PRICKLE3: variants seen among roughly 807,000 people sequenced by gnomAD.
The protein encoded by PRICKLE3 is prickle planar cell polarity protein 3.
In PRICKLE3, 17 loss-of-function variants were observed where a neutral mutation model predicts 33.8. That is an observed-to-expected ratio of 0.50 (90% CI 0.34 to 0.75). The LOEUF (loss-of-function observed/expected upper bound fraction) is 0.75, where lower values mean the gene tolerates loss of function less well. PRICKLE3 is among the 30% of genes least tolerant of loss of function. The pLI is 0.01. For synonymous variants in PRICKLE3, 211 were observed against 219.6 expected (o/e 0.96, Z 0.34); for missense variants, 573 against 576.7 (o/e 0.99, Z 0.07).
intron 1 of PRICKLE3, 185 bp from the exon 2 acceptor site, chrX:49,184,895 C>G: frequency 1.8e-6 from 2 of 1,130,636 alleles, no homozygotes; most frequent in Non-Finnish European, 2.3e-6. Context: ...GAGGCAGAGG[C>G]GGGGCAGTTG....
rs377276224 is a variant in PRICKLE3 at position 49,176,040 on chromosome X, G to A, written c.1481C>T (p.Pro494Leu). Residue 494 changes from proline (P) to leucine (L), a missense_variant, in exon 9 of 9, where the codon CCG becomes CTG. Pro to Leu is a moderately conservative substitution (Grantham distance 98). Transcript: ENST00000599218. ...ACTGCGTGGCCTGCGGCGCTGGGCC[G>A]GGGGTGCACTCAGGGTCCGGCGCGG... is the stretch of plus-strand genomic sequence containing the variant. ...GGPRRTLSAP[P>L]AQRRRPRSPP... 5.8e-6 allele frequency: 7 copies of A among 1,208,215 alleles called. No homozygotes were observed. The highest frequency in any genetic ancestry group is 3.5e-5 in the African/African-American group (2 of 57,775).
Position 49,177,145 on chromosome X carries a change from C to A in PRICKLE3, c.1013G>T (p.Cys338Phe), listed in dbSNP as rs371666168. ...CCGCCCACAGCGACTACAGCAGAAG[C>A]AGCGGTCTGAGGCATGCCAGTGCTG... ...EGQHWHASDR[C>F]FCCSRCGRAL... The change falls in exon 8 of 9, where the codon TGC becomes TTC. Residue 338 changes from cysteine (C) to phenylalanine (F), a missense_variant. Cys to Phe is a radical substitution (Grantham distance 205, BLOSUM62 -2). Coordinates refer to ENST00000599218, the MANE Select transcript of PRICKLE3 (RefSeq NM_006150.5). The A allele has an allele frequency of 5.1e-5, 61 of 1,199,339 alleles. No homozygotes were observed. The highest frequency in any genetic ancestry group is 1.5e-5 in the Non-Finnish European group (13 of 890,995).
chrX:49,184,518 C>T, intron 2 of PRICKLE3, 107 bp downstream of exon 2: 2 of 716,863 alleles, frequency 2.8e-6, no homozygotes, highest in South Asian at 6.2e-5. Context: ...CAACTGAGAT[C>T]CCTCTGTAGG....
Position 49,175,924 on chromosome X carries a change from G to A in PRICKLE3, c.1597C>T (p.Gln533Ter), listed in dbSNP as rs782794977. 18 of 1,209,202 alleles carry A rather than the reference G, an allele frequency of 1.5e-5. No individual in the cohort carries two copies. The highest frequency in any genetic ancestry group is 1.2e-5 in the Non-Finnish European group (11 of 894,983). Reference sequence around the variant, plus strand: ...TCTGACCCTGATCCCGCGTCACATTGATAGTGGCGACGTCTGCTTGGGTGG... The same window carrying A: ...TCTGACCCTGATCCCGCGTCACATTAATAGTGGCGACGTCTGCTTGGGTGG... The part of the protein sequence containing the change: ...NRHPSRRRHY[Q>*]CDAGSGSDSE... Residue 533 changes from glutamine (Q) to a stop codon, truncating the protein, a stop_gained, in exon 9 of 9, where the codon CAA becomes TAA. Coordinates refer to ENST00000599218, the MANE Select transcript of PRICKLE3 (RefSeq NM_006150.5). LOFTEE classifies it high-confidence loss of function.
intron 7 of PRICKLE3, 134 bp downstream of exon 7, chrX:49,177,859 A>T: frequency 1.4e-6 from 1 of 711,166 alleles, no homozygotes; most frequent in Non-Finnish European, 2.0e-6. Context: ...GTACAGGTCT[A>T]TAGTGTTGGG....
At chrX:49,177,685 A>C (rs1383604892) in intron 7 of PRICKLE3, among the ~76,000 whole-genome samples, 1 of 111,644 alleles carries the variant, frequency 9.0e-6, no homozygotes, top group Admixed American at 9.5e-5. Context: ...AACGGGGCAC[A>C]GCTTGGGGTG....
In PRICKLE3 at chrX:49,179,324, CGCTGCT is replaced by C; in HGVS notation, c.485_490del (p.Gln162_Gln163del). On this transcript the variant is annotated inframe_deletion, in exon 5 of 9. Transcript: ENST00000599218. ...GCCACGCCCCAGATTCTCCCGCTTC[CGCTGCT>C]GGCTAAAGGCTCGGAGCTCTTTCTT... 3 of 1,211,391 alleles carry C rather than the reference CGCTGCT, an allele frequency of 2.5e-6. No homozygotes were observed. Among genetic ancestry groups the C allele is most frequent in the Non-Finnish European group, 3.4e-6 (3 of 895,295 alleles).
At position 49,178,380 on chromosome X, in the gene PRICKLE3, C is replaced by T. The variant is rs368971585; in HGVS notation, c.660G>A (p.Thr220=). 1.6e-5 allele frequency: 19 copies of T among 1,210,239 alleles called. No individual in the cohort carries two copies. The highest frequency in any genetic ancestry group is 5.3e-5 in the South Asian group (3 of 56,720). The part of the protein sequence containing the change: ...CWHPQCFVCT[T]CQELLVDLIY... ...TGAGGTCAACCAGCAGTTCCTGGCACGTGGTACACACGAAGCACTGTGGGT... is the reference window on the plus strand; with the variant it reads ...TGAGGTCAACCAGCAGTTCCTGGCATGTGGTACACACGAAGCACTGTGGGT... The change falls in exon 6 of 9, where the codon ACG becomes ACA. Residue 220 remains threonine (T), a synonymous_variant. Transcript: ENST00000599218.
Position 49,178,026 on chromosome X carries a change from C to G in PRICKLE3, c.922G>C (p.Ala308Pro), listed in dbSNP as rs782256820. Reference protein sequence around the residue: ...HCCACYEARHAEYCDGCGEHI... With the variant: ...HCCACYEARHPEYCDGCGEHI... The stretch of plus-strand genomic sequence containing the variant: ...TCCCCACAGCCATCACAGTACTCCG[C>G]GTGGCGGGCCTCGTAGCAGGCGCAG... Residue 308 changes from alanine to proline, a missense_variant, in exon 7 of 9, where the codon GCG becomes CCG. Physicochemically the swap from Ala to Pro is conservative, Grantham distance 27. Coordinates refer to ENST00000599218, the MANE Select transcript of PRICKLE3 (RefSeq NM_006150.5). The G allele has an allele frequency of 8.7e-7, 1 of 1,154,447 alleles. No individual in the cohort carries two copies. Among genetic ancestry groups the G allele is most frequent in the Non-Finnish European group, 1.2e-6 (1 of 866,919 alleles).
intron 2 of PRICKLE3, 35 bp downstream of exon 2, chrX:49,184,590 T>C: frequency 1.9e-6 from 2 of 1,069,965 alleles, no homozygotes; most frequent in Non-Finnish European, 2.4e-6. Context: ...GGCGGAGCTC[T>C]GACAAAGGCG....
chrX:49,179,874 G>A (rs2065439895), intron 3 of PRICKLE3, 68 bp from the exon 4 acceptor site: 8 of 588,779 alleles, frequency 1.4e-5, no homozygotes, highest in South Asian at 9.1e-5. Context: ...GTGAGATGGC[G>A]GGTCCCCATT....
chrX:49,180,035 CTTTT>C (rs150588040), intron 3 of PRICKLE3, among the ~76,000 whole-genome samples: 1 of 54,384 alleles, frequency 1.8e-5, no homozygotes, highest in African/African-American at 7.7e-5. Context: ...TGCTGATCAC[CTTTT>C]TTTTTTTTTT....
At chrX:49,179,180 G>A in intron 5 of PRICKLE3, 71 bp downstream of exon 5, 1 of 1,139,606 alleles carries the variant, frequency 8.8e-7, no homozygotes. Flanking sequence ...CCAGTGCTTG[G>A]AAGATGTGTC....
chrX:49,177,626 G>A (rs1462266518), intron 7 of PRICKLE3, among the ~76,000 whole-genome samples: 3 of 111,718 alleles, frequency 2.7e-5, no homozygotes, highest in Non-Finnish European at 5.7e-5. Flanking sequence ...AGGATAGGGT[G>A]TAGCTAGAAG....
intron 3 of PRICKLE3, among the ~76,000 whole-genome samples, chrX:49,182,633 C>A (rs1254835173): frequency 8.9e-6 from 1 of 112,270 alleles, no homozygotes; most frequent in Non-Finnish European, 1.9e-5. Context: ...GGCAGCTCAA[C>A]CATTAAATTC....
chrX:49,178,474 C>T lies in PRICKLE3; in HGVS notation c.566G>A (p.Cys189Tyr). The T allele has an allele frequency of 1.7e-6, 2 of 1,207,337 alleles. No homozygotes were observed. Among genetic ancestry groups the T allele is most frequent in the African/African-American group, 1.7e-5 (1 of 57,940 alleles). ...VTITGAICEE[C>Y]GKQIGGGDIA... ...GTCCCCACCTCCAATCTGCTTTCCG[C>T]ACTGCCATGAGACAAGCACCAAGAT... is the stretch of plus-strand genomic sequence containing the variant. Residue 189 changes from cysteine (C) to tyrosine (Y), a missense_variant and splice_region_variant, in exon 6 of 9, where the codon TGC (cysteine) becomes TAC (tyrosine). Coordinates refer to ENST00000599218, the MANE Select transcript of PRICKLE3 (RefSeq NM_006150.5).
Position 49,176,174 on chromosome X carries a change from C to G in PRICKLE3, c.1347G>C (p.Pro449=). 8.4e-7 allele frequency: 1 copy of G among 1,186,775 alleles called. No individual in the cohort carries two copies. Among genetic ancestry groups the G allele is most frequent in the Non-Finnish European group, 1.1e-6 (1 of 882,606 alleles). The change falls in exon 9 of 9, where the codon CCG becomes CCC. Residue 449 remains proline (P), a synonymous_variant. Transcript: ENST00000599218. ...TAGGCTGGCCGGGGGACTCTGGGGG[C>G]GGCTCGGGGACACTGCGGAGCCCCA... ...PELGLRSVPE[P]PPESPGQPNL... is the part of the protein sequence containing the mutation.
intron 3 of PRICKLE3, among the ~76,000 whole-genome samples, chrX:49,183,009 A>G (rs1458139123): frequency 2.7e-5 from 3 of 111,301 alleles, no homozygotes; most frequent in East Asian, 5.6e-4. Context: ...CTTTTAGTAG[A>G]GACGGGGTTT....
rs2065483333 is a variant in PRICKLE3, at chrX:49,186,317, A to T, written c.-20T>A. 3 of 1,127,613 alleles carry T rather than the reference A, an allele frequency of 2.7e-6. No homozygotes were observed. Among genetic ancestry groups the T allele is most frequent in the Non-Finnish European group, 3.5e-6 (3 of 854,090 alleles). 92.9% of individuals were successfully genotyped at this position (1,127,613 alleles called of 1,213,427 possible). ...GAACATGGCGCGCCCGGGCAGGGTC[A>T]AGCCGGGCCGGGTCAGGCGAATGTA... On this transcript the variant is annotated 5_prime_UTR_variant, in exon 1 of 9. Transcript: ENST00000599218.
Sources: gnomAD v4.1 joint callset for allele counts (sites outside exome capture counted in the v4.1 genomes callset) on GRCh38, gnomAD v4.1.1 for gene constraint, MANE v1.5 for transcripts, NCBI Gene and HGNC (gene_info 2026-07-23, HGNC 2026-07-21) for gene names.